LARGE1: variants seen among roughly 807,000 people sequenced by gnomAD.
The protein encoded by LARGE1 is xylosyl- and glucuronyltransferase LARGE1.
LARGE1 carries 43 observed loss-of-function variants against 87.6 expected under a neutral mutation model. That is an observed-to-expected ratio of 0.49 (90% CI 0.38 to 0.63). The LOEUF (loss-of-function observed/expected upper bound fraction) is 0.63. Among genes scored for constraint, LARGE1 ranks in the 30% least tolerant of loss-of-function variants. LARGE1 has a pLI of 0.00. For missense variants in LARGE1, 802 were observed against 1,000.2 expected (o/e 0.80, Z 2.67); for synonymous variants, 434 against 394.6 (o/e 1.10, Z -1.18).
chr22:33,485,316 T>C (rs2069525818), intron 6 of LARGE1, among the ~76,000 whole-genome samples: 1 of 150,382 alleles, frequency 6.6e-6, no homozygotes, highest in African/African-American at 2.5e-5. Flanking sequence ...CAGGTTCAAA[T>C]AATTCTCCTG....
chr22:33,176,749 C>A (rs530969030), intron 11 of LARGE1, among the ~76,000 whole-genome samples: 28 of 152,226 alleles, frequency 1.8e-4, no homozygotes, highest in African/African-American at 6.7e-4. Context: ...GACAGTGTGG[C>A]GATTCCTCAA....
intron 10 of LARGE1, chr22:33,321,010 T>A (rs569994442): frequency 2.0e-5 from 3 of 152,312 alleles, no homozygotes; most frequent in African/African-American, 7.2e-5. Flanking sequence ...AGGACACTGG[T>A]TCTAACCCAT....
chr22:33,126,504 T>C, the LARGE1 span, among the ~76,000 whole-genome samples: 1 of 152,174 alleles, frequency 6.6e-6, no homozygotes, highest in Non-Finnish European at 1.5e-5. Context: ...CAATGCTTGC[T>C]GAATTGAATT....
At chr22:33,450,165 A>G (rs950397753) in intron 6 of LARGE1, among the ~76,000 whole-genome samples, 1 of 150,294 alleles carries the variant, frequency 6.7e-6, no homozygotes, top group Non-Finnish European at 1.5e-5. Context: ...ATCCACCTCC[A>G]CCTCCCAAAG....
chr22:33,909,652 C>T (rs969539359), intron 1 of LARGE1, among the ~76,000 whole-genome samples: 1 of 152,070 alleles, frequency 6.6e-6, no homozygotes, highest in Non-Finnish European at 1.5e-5. Context: ...CATTCTCCTG[C>T]CTCAGCCTCC....
intron 9 of LARGE1, among the ~76,000 whole-genome samples, chr22:33,364,210 A>G (rs1294942871): frequency 6.6e-6 from 1 of 151,818 alleles, no homozygotes; most frequent in Non-Finnish European, 1.5e-5. Context: ...GCCCGCCACC[A>G]CGCCCGGCTA....
intron 5 of LARGE1, among the ~76,000 whole-genome samples, chr22:33,567,484 G>A (rs974209616): frequency 6.6e-6 from 1 of 152,172 alleles, no homozygotes; most frequent in East Asian, 1.9e-4. Flanking sequence ...AACACCCTGG[G>A]TGGTAGATTC....
the LARGE1 span, among the ~76,000 whole-genome samples, chr22:33,071,888 G>A: frequency 3.9e-5 from 6 of 152,146 alleles, no homozygotes; most frequent in African/African-American, 1.2e-4. Flanking sequence ...CTTCCTACCT[G>A]GCTGTTCCTG....
At chr22:33,784,778 T>C (rs2085543730) in intron 1 of LARGE1, among the ~76,000 whole-genome samples, 1 of 151,908 alleles carries the variant, frequency 6.6e-6, no homozygotes, top group South Asian at 2.1e-4. Context: ...TCATACAGTA[T>C]GTATACCATA....
At chr22:33,366,355 T>G (rs899341319) in intron 9 of LARGE1, among the ~76,000 whole-genome samples, 2 of 152,204 alleles carry the variant, frequency 1.3e-5, no homozygotes, top group Non-Finnish European at 2.9e-5. Flanking sequence ...TTACTGTAGG[T>G]TTTCACTAGT....
At chr22:33,193,633 C>T (rs529238351) in intron 11 of LARGE1, among the ~76,000 whole-genome samples, 1 of 152,058 alleles carries the variant, frequency 6.6e-6, no homozygotes, top group South Asian at 2.1e-4. Context: ...GCCTGGGCAA[C>T]ATAGTGAAAC....
intron 11 of LARGE1, among the ~76,000 whole-genome samples, chr22:33,245,871 T>C (rs1183594000): frequency 7.9e-5 from 12 of 152,192 alleles, no homozygotes; most frequent in Admixed American, 7.2e-4. Flanking sequence ...ATTGCGCCAC[T>C]GCACTCCAGC....
chr22:33,406,330 C>T (rs1300739542), intron 7 of LARGE1, among the ~76,000 whole-genome samples: 2 of 152,164 alleles, frequency 1.3e-5, no homozygotes, highest in African/African-American at 4.8e-5. Flanking sequence ...TGCGCAGTCC[C>T]ATCCCTTGAG....
chr22:33,237,302 A>G (rs1262616852), intron 11 of LARGE1, among the ~76,000 whole-genome samples: 1 of 152,258 alleles, frequency 6.6e-6, no homozygotes, highest in African/African-American at 2.4e-5. Context: ...CATGCATGGT[A>G]AGAAACACAA....
rs184972918 is a variant in LARGE1 at position 33,900,351 on chromosome 22, C to G, written c.-83+19644G>C. Among the ~76,000 whole-genome samples the G allele has an allele frequency of 5.3e-5, 8 of 152,294 alleles. No homozygotes were observed. In the East Asian group the frequency reaches 1.5e-3, roughly 29 times the overall value. On this transcript the variant is annotated intron_variant, in intron 1 of 14. Transcript: ENST00000397394. ...ACACAGCTCAGGTACAACATTCTTA[C>G]CTCCAAAGGACTTACAATTGAAAAT...
chr22:33,761,273 T>C, intron 2 of LARGE1, 98 bp downstream of exon 2: 1 of 954,786 alleles, frequency 1.0e-6, no homozygotes, highest in East Asian at 2.4e-5. Flanking sequence ...GAAATACATA[T>C]TCCTATTAGA....
intron 9 of LARGE1, among the ~76,000 whole-genome samples, chr22:33,339,472 C>A (rs1453421923): frequency 1.3e-5 from 2 of 152,020 alleles, no homozygotes; most frequent in East Asian, 3.9e-4. Flanking sequence ...AGATTTTCAG[C>A]AGGAGGAACA....
chr22:33,838,547 G>A (rs1351231574), intron 1 of LARGE1, among the ~76,000 whole-genome samples: 7 of 152,198 alleles, frequency 4.6e-5, no homozygotes, highest in Non-Finnish European at 1.0e-4. Context: ...GCTGAGGCAG[G>A]AGGATCACTT....
the LARGE1 span, among the ~76,000 whole-genome samples, chr22:33,079,693 C>T: frequency 1.3e-5 from 2 of 152,134 alleles, no homozygotes; most frequent in Non-Finnish European, 2.9e-5. Flanking sequence ...TTTAAGGAAA[C>T]TCTAGTTTCC....
Sources: allele counts gnomAD v4.1 joint callset (sites outside exome capture counted in the v4.1 genomes callset), GRCh38; gene constraint gnomAD v4.1.1; transcripts MANE v1.5; gene names NCBI Gene and HGNC (gene_info 2026-07-23, HGNC 2026-07-21).